The following IFT122 variants were observed in gnomAD, a reference collection of about 807,000 sequenced individuals.
IFT122 encodes intraflagellar transport 122.
Under a neutral mutation model 161.6 loss-of-function variants are expected in IFT122, and 118 were observed. The ratio of observed to expected loss-of-function variants is 0.73; its 90% CI spans 0.63 to 0.85. IFT122 has a LOEUF of 0.85. Ranked by LOEUF, IFT122 falls within the 40% of genes least tolerant of loss-of-function variation. IFT122 has a pLI of 0.00. For missense variants in IFT122, 1,381 were observed against 1,579.6 expected (o/e 0.87, Z 2.13); for synonymous variants, 550 against 602.4 (o/e 0.91, Z 1.27).
intron 6 of IFT122, among the ~76,000 whole-genome samples, chr3:129,464,207 C>T (rs1441252950): frequency 6.6e-6 from 1 of 152,134 alleles, no homozygotes; most frequent in African/African-American, 2.4e-5. Flanking sequence ...GGAGTATATC[C>T]CTTCCGTTCA....
intron 3 of IFT122, 78 bp downstream of exon 3, chr3:129,452,076 TA>T: frequency 9.0e-7 from 1 of 1,111,660 alleles, no homozygotes; most frequent in East Asian, 2.4e-5. Flanking sequence ...ACTTTTTAAT[TA>T]TTTCTAGTAA....
chr3:129,488,062 G>C (rs2079529407), intron 15 of IFT122, 195 bp from the exon 16 acceptor site: 4 of 793,140 alleles, frequency 5.0e-6, no homozygotes, highest in Non-Finnish European at 6.2e-6. Flanking sequence ...CAGTAGCCCA[G>C]TCATGAGAGA....
At chr3:129,497,150 T>G (rs1195825800) in intron 18 of IFT122, among the ~76,000 whole-genome samples, 3 of 152,128 alleles carry the variant, frequency 2.0e-5, no homozygotes, top group Non-Finnish European at 4.4e-5. Flanking sequence ...GTGCCTGTAG[T>G]CCCAGCTACT....
At chr3:129,494,666 C>T (rs2080610311) in intron 17 of IFT122, among the ~76,000 whole-genome samples, 1 of 148,542 alleles carries the variant, frequency 6.7e-6, no homozygotes, top group African/African-American at 2.5e-5. Flanking sequence ...AAGGAAGAAG[C>T]TTTATCCTAG....
rs1193555159 is a variant in IFT122 at position 129,476,513 on chromosome 3, A to G, written c.1008+7A>G. 6.2e-7 allele frequency: 1 copy of G among 1,614,156 alleles called. No homozygotes were observed. The highest frequency in any genetic ancestry group is 8.5e-7 in the Non-Finnish European group (1 of 1,180,044). ...ACCGGATTCCAACTATGTGGTAAGA[A>G]GAGAAAGTTTGTTCTGTGGGGCCAT... is the stretch of plus-strand genomic sequence containing the variant. On this transcript the variant is annotated splice_region_variant and intron_variant, in intron 10 of 29. Coordinates refer to ENST00000348417, the MANE Select transcript of IFT122 (RefSeq NM_052989.3).
chr3:129,495,462 G>A lies in IFT122; in HGVS notation c.2063G>A (p.Gly688Glu), dbSNP rs372757203. 7 of 1,614,160 alleles carry A rather than the reference G, an allele frequency of 4.3e-6. No homozygotes were observed. Among genetic ancestry groups the A allele is most frequent in the Non-Finnish European group, 3.4e-6 (4 of 1,180,018 alleles). ...TTTTTCCAGGAGAGGAAGAAGCGGG[G>A]AGAGACCAACAATGACCTGTTTCTG... ...ISSIEERKKR[G>E]ETNNDLFLAD... The change falls in exon 18 of 30, where the codon GGA (glycine) becomes GAA (glutamate). Residue 688 changes from glycine (G) to glutamate (E), a missense_variant. Coordinates refer to ENST00000348417, the MANE Select transcript of IFT122 (RefSeq NM_052989.3).
At chr3:129,441,591 C>T (rs2073123396) in intron 1 of IFT122, among the ~76,000 whole-genome samples, 1 of 152,214 alleles carries the variant, frequency 6.6e-6, no homozygotes, top group Non-Finnish European at 1.5e-5. Context: ...AACGTCAACG[C>T]TCTCAGCCAC....
intron 1 of IFT122, among the ~76,000 whole-genome samples, chr3:129,449,508 G>A (rs2074482051): frequency 6.6e-6 from 1 of 152,216 alleles, no homozygotes; most frequent in Admixed American, 6.5e-5. Flanking sequence ...ACCTAAGAGG[G>A]ACTCAGTAAG....
At chr3:129,486,126 T>C (rs1297216630) in intron 15 of IFT122, among the ~76,000 whole-genome samples, 2 of 152,210 alleles carry the variant, frequency 1.3e-5, no homozygotes, top group East Asian at 3.8e-4. Flanking sequence ...GGGTCTATTT[T>C]TAAAACTCCA....
chr3:129,469,144 G>T (rs566879352), intron 8 of IFT122, among the ~76,000 whole-genome samples, 198 bp from the exon 9 acceptor site: 1 of 152,338 alleles, frequency 6.6e-6, no homozygotes, highest in East Asian at 1.9e-4. Context: ...TCCCAGGAAG[G>T]CTGAACCTCA....
intron 12 of IFT122, among the ~76,000 whole-genome samples, chr3:129,478,636 AG>A (rs1559914232): frequency 1.3e-5 from 2 of 152,022 alleles, no homozygotes; most frequent in Non-Finnish European, 2.9e-5. Context: ...TAGAGACGCG[AG>A]GCTGTACTTT....
chr3:129,484,436 A>T (rs2079043136), intron 15 of IFT122, among the ~76,000 whole-genome samples: 1 of 152,220 alleles, frequency 6.6e-6, no homozygotes, highest in South Asian at 2.1e-4. Flanking sequence ...TTCTACGTGT[A>T]TATATAATAT....
intron 11 of IFT122, among the ~76,000 whole-genome samples, chr3:129,477,458 C>G (rs945546757): frequency 6.6e-6 from 1 of 152,200 alleles, no homozygotes; most frequent in Admixed American, 6.5e-5. Context: ...TGGGGGTTGT[C>G]TTGTAGATTC....
At chr3:129,500,641 G>A (rs1386823716) in intron 19 of IFT122, among the ~76,000 whole-genome samples, 5 of 152,240 alleles carry the variant, frequency 3.3e-5, no homozygotes, top group African/African-American at 9.6e-5. Flanking sequence ...GGACCTTAAA[G>A]AATTCCAAGA....
At chr3:129,494,651 C>T (rs2080608468) in intron 17 of IFT122, among the ~76,000 whole-genome samples, 2 of 151,812 alleles carry the variant, frequency 1.3e-5, no homozygotes, top group South Asian at 4.2e-4. Flanking sequence ...TGTTCCCTGA[C>T]ACAGAAGGAA....
At chr3:129,500,711 G>A (rs1325886462) in intron 19 of IFT122, among the ~76,000 whole-genome samples, 1 of 152,200 alleles carries the variant, frequency 6.6e-6, no homozygotes, top group Non-Finnish European at 1.5e-5. Flanking sequence ...AACACAGCGA[G>A]TTGGCTCTGG....
Position 129,488,314 on chromosome 3 carries a change from G to A in IFT122, c.1909G>A (p.Ala637Thr). The A allele has an allele frequency of 6.2e-7, 1 of 1,614,212 alleles. No individual in the cohort carries two copies. The highest frequency in any genetic ancestry group is 8.5e-7 in the Non-Finnish European group (1 of 1,180,046). Residue 637 changes from alanine (A) to threonine (T), a missense_variant, in exon 16 of 30, where the codon GCT becomes ACT. Physicochemically the swap from Ala to Thr is moderately conservative, Grantham distance 58. This residue lies in a region of IFT122 where 544 missense variants were observed against 648.0 expected (regional missense o/e 0.84). Coordinates refer to ENST00000348417, the MANE Select transcript of IFT122 (RefSeq NM_052989.3). Reference sequence around the variant, plus strand: ...ACTGTTCAAGGAAGCCTACCAGATTGCTTGCTTGGGTGTCACAGACACTGA... The same window carrying A: ...ACTGTTCAAGGAAGCCTACCAGATTACTTGCTTGGGTGTCACAGACACTGA... ...RKLFKEAYQI[A>T]CLGVTDTDWR...
At chr3:129,475,999 G>C (rs2077890999) in intron 9 of IFT122, 3 of 426,868 alleles carry the variant, frequency 7.0e-6, no homozygotes, top group Non-Finnish European at 1.3e-5. Context: ...GGGCCTTTGG[G>C]AACAAAACCA....
chr3:129,488,120 G>A, intron 15 of IFT122, 137 bp from the exon 16 acceptor site: 2 of 1,426,332 alleles, frequency 1.4e-6, no homozygotes, highest in Middle Eastern at 1.8e-4. Context: ...TGGGCAGGGT[G>A]CTGATTGGCG....
Sources: allele counts gnomAD v4.1 joint callset (sites outside exome capture counted in the v4.1 genomes callset), GRCh38; gene constraint gnomAD v4.1.1; regional missense constraint gnomAD v4.1.1; transcripts MANE v1.5; gene names NCBI Gene and HGNC (gene_info 2026-07-23, HGNC 2026-07-21).